The following ARHGAP12 variants were observed in gnomAD, a reference collection of about 807,000 sequenced individuals.
ARHGAP12 encodes the protein Rho GTPase activating protein 12, also known as rho GTPase-activating protein 12.
Under a neutral mutation model 108.6 loss-of-function variants are expected in ARHGAP12, and 64 were observed. That is an observed-to-expected ratio of 0.59 (90% confidence interval 0.48 to 0.73). The LOEUF (loss-of-function observed/expected upper bound fraction) is 0.73. Among genes scored for constraint, ARHGAP12 ranks in the 30% least tolerant of loss-of-function variants. The probability of loss-of-function intolerance (pLI) is 0.00; values close to 1 mark genes in which losing one functional copy is unlikely to be tolerated. For synonymous variants in ARHGAP12, 312 were observed against 337.2 expected (o/e 0.93, Z 0.82); for missense variants, 940 against 1,005.9 (o/e 0.93, Z 0.89).
chr10:31,852,514 T>C lies in ARHGAP12; in HGVS notation c.1170+3A>G. 2 of 1,600,294 alleles carry C rather than the reference T, an allele frequency of 1.2e-6. No individual in the cohort carries two copies. The highest frequency in any genetic ancestry group is 1.7e-6 in the Non-Finnish European group (2 of 1,167,600). ...ATAGAAATTCGGTGTCAAGGTTTAT[T>C]ACCTTTGGCAATTCCCATTCTGACC... On this transcript the variant is annotated splice_donor_region_variant and intron_variant, in intron 6 of 19. Coordinates refer to ENST00000344936, the MANE Select transcript of ARHGAP12 (RefSeq NM_018287.7).
intron 5 of ARHGAP12, 64 bp from the exon 6 acceptor site, chr10:31,852,661 T>A (rs2132282549): frequency 1.0e-6 from 1 of 966,578 alleles, no homozygotes; most frequent in Middle Eastern, 2.2e-4. Context: ...GCTACTACTA[T>A]CAGAGATACT....
chr10:31,899,045 T>C (rs915081914), intron 3 of ARHGAP12, among the ~76,000 whole-genome samples: 1 of 152,208 alleles, frequency 6.6e-6, no homozygotes, highest in Admixed American at 6.5e-5. Context: ...TGAAAACATT[T>C]AGTCAAGTGC....
intron 7 of ARHGAP12, among the ~76,000 whole-genome samples, chr10:31,840,017 T>C (rs536378513): frequency 3.9e-5 from 6 of 152,102 alleles, no homozygotes; most frequent in Non-Finnish European, 8.8e-5. Context: ...ATTAACCATA[T>C]TAAAATAAGT....
rs757924693 is a variant in ARHGAP12 at position 31,812,799 on chromosome 10, G to C, written c.1859C>G (p.Ser620Cys). The C allele has an allele frequency of 4.9e-5, 78 of 1,605,128 alleles. No homozygotes were observed. Among genetic ancestry groups the C allele is most frequent in the Non-Finnish European group, 6.4e-5 (75 of 1,175,962 alleles). The change falls in exon 15 of 20, where the codon TCT becomes TGT. Residue 620 changes from serine to cysteine, a missense_variant. Coordinates refer to ENST00000344936, the MANE Select transcript of ARHGAP12 (RefSeq NM_018287.7). ...TTTCTTGGTTTTTTTCTGTTCTGAAGAATCTATGCTAGATACTTTAAAGGC... is the reference window on the plus strand; with the variant it reads ...TTTCTTGGTTTTTTTCTGTTCTGAACAATCTATGCTAGATACTTTAAAGGC... ...LRSFKVSSID[S>C]SEQKKTKKNL...
intron 3 of ARHGAP12, among the ~76,000 whole-genome samples, chr10:31,906,784 C>T (rs576305407): frequency 2.0e-5 from 3 of 152,150 alleles, no homozygotes; most frequent in East Asian, 3.9e-4. Flanking sequence ...GGATTGCGTG[C>T]GTACATAAAT....
chr10:31,842,948 T>A (rs192040836), intron 7 of ARHGAP12, among the ~76,000 whole-genome samples: 32 of 152,144 alleles, frequency 2.1e-4, no homozygotes, highest in Admixed American at 7.9e-4. Flanking sequence ...CTCAGACTGA[T>A]AAAAGAAGTG....
intron 4 of ARHGAP12, among the ~76,000 whole-genome samples, chr10:31,857,548 A>C (rs1427472271): frequency 6.6e-6 from 1 of 152,178 alleles, no homozygotes; most frequent in Non-Finnish European, 1.5e-5. Context: ...AATTTTCCAG[A>C]ATTGATCAAA....
chr10:31,836,927 G>GTT (rs138389167), intron 9 of ARHGAP12, among the ~76,000 whole-genome samples: 1 of 151,976 alleles, frequency 6.6e-6, no homozygotes, highest in Non-Finnish European at 1.5e-5. Flanking sequence ...ATGGCGGTTT[G>GTT]TTTTTTTCAC....
intron 6 of ARHGAP12, 41 bp from the exon 7 acceptor site, chr10:31,843,627 A>G (rs1318084483): frequency 2.6e-6 from 4 of 1,527,966 alleles, no homozygotes; most frequent in Non-Finnish European, 3.5e-6. Flanking sequence ...AACAGTTCAT[A>G]AACAATAGAA....
At chr10:31,921,785 A>AG (rs1564438077) in intron 1 of ARHGAP12, among the ~76,000 whole-genome samples, 4 of 142,828 alleles carry the variant, frequency 2.8e-5, no homozygotes, top group Non-Finnish European at 6.1e-5. Flanking sequence ...AAAAAAAAAA[A>AG]AAAAAGTTTG....
intron 9 of ARHGAP12, among the ~76,000 whole-genome samples, chr10:31,832,206 T>G (rs1283016625): frequency 6.6e-6 from 1 of 152,210 alleles, no homozygotes; most frequent in Non-Finnish European, 1.5e-5. Context: ...CTGAAAATTA[T>G]TCAATATACT....
intron 3 of ARHGAP12, among the ~76,000 whole-genome samples, chr10:31,887,129 C>T (rs1333263628): frequency 1.3e-5 from 2 of 152,108 alleles, no homozygotes; most frequent in Non-Finnish European, 2.9e-5. Flanking sequence ...CTTGTGGAGG[C>T]TTGGCAAATC....
intron 1 of ARHGAP12, among the ~76,000 whole-genome samples, chr10:31,921,757 CCA>C: frequency 1.3e-5 from 1 of 78,802 alleles, no homozygotes; most frequent in Non-Finnish European, 2.2e-5. Flanking sequence ...GAGCAAGGCT[CCA>C]TCTCAAAAAA....
chr10:31,905,816 G>A (rs1160942620), intron 3 of ARHGAP12, among the ~76,000 whole-genome samples: 9 of 144,062 alleles, frequency 6.2e-5, no homozygotes, highest in Admixed American at 6.1e-4. Context: ...TGTTGATACA[G>A]GTGTATTTAT....
At chr10:31,897,555 C>G (rs1044709469) in intron 3 of ARHGAP12, among the ~76,000 whole-genome samples, 2 of 152,138 alleles carry the variant, frequency 1.3e-5, no homozygotes, top group East Asian at 3.9e-4. Flanking sequence ...TAAGTAGATA[C>G]TAAGGAAAAT....
At chr10:31,891,945 G>T (rs1838459257) in intron 3 of ARHGAP12, among the ~76,000 whole-genome samples, 1 of 152,008 alleles carries the variant, frequency 6.6e-6, no homozygotes, top group African/African-American at 2.4e-5. Flanking sequence ...GTCATTTAAG[G>T]CCTTCTCCAC....
chr10:31,899,174 A>G (rs1838824799), intron 3 of ARHGAP12, among the ~76,000 whole-genome samples: 1 of 152,226 alleles, frequency 6.6e-6, no homozygotes, highest in African/African-American at 2.4e-5. Flanking sequence ...AGGACCACAG[A>G]CGACAGTGGG....
chr10:31,857,105 T>G (rs1263800537), intron 4 of ARHGAP12, among the ~76,000 whole-genome samples: 1 of 152,182 alleles, frequency 6.6e-6, no homozygotes, highest in South Asian at 2.1e-4. Context: ...ATTCAAAATA[T>G]TATCTGATTC....
At chr10:31,923,323 G>A (rs1839899134) in intron 1 of ARHGAP12, among the ~76,000 whole-genome samples, 2 of 152,226 alleles carry the variant, frequency 1.3e-5, no homozygotes, top group East Asian at 1.9e-4. Flanking sequence ...CAGTGTTTTT[G>A]AGAATGCAGG....
Sources: gnomAD v4.1 joint callset for allele counts (sites outside exome capture counted in the v4.1 genomes callset) on GRCh38, gnomAD v4.1.1 for gene constraint, MANE v1.5 for transcripts, NCBI Gene and HGNC (gene_info 2026-07-23, HGNC 2026-07-21) for gene names.